The following TOP6BL variants were observed in gnomAD, a reference collection of about 807,000 sequenced individuals.
The protein encoded by TOP6BL is type 2 DNA topoisomerase 6 subunit B-like.
chr11:66,765,356 C>T, the TOP6BL span, among the ~76,000 whole-genome samples: 6 of 152,282 alleles, frequency 3.9e-5, no homozygotes, highest in Middle Eastern at 3.4e-3. Flanking sequence ...GCTAACTCTT[C>T]GTACAAAGAG....
chr11:66,762,604 G>T, the TOP6BL span, among the ~76,000 whole-genome samples: 2 of 152,114 alleles, frequency 1.3e-5, no homozygotes, highest in African/African-American at 4.8e-5. Flanking sequence ...CTGAGTAGCT[G>T]GTATTACAGG....
At chr11:66,748,266 A>G in the TOP6BL span, 1 of 824,824 alleles carries the variant, frequency 1.2e-6, no homozygotes, top group African/African-American at 1.7e-5. Flanking sequence ...TAGAAGCAAG[A>G]ATACAATTTT....
the TOP6BL span, among the ~76,000 whole-genome samples, chr11:66,789,992 G>T: frequency 6.6e-6 from 1 of 152,188 alleles, no homozygotes; most frequent in Non-Finnish European, 1.5e-5. Context: ...CTTGATCCTG[G>T]CTGGGCGCCG....
chr11:66,829,805 C>T, the TOP6BL span, among the ~76,000 whole-genome samples: 1 of 152,162 alleles, frequency 6.6e-6, no homozygotes, highest in Non-Finnish European at 1.5e-5. Flanking sequence ...GGAAGAACTG[C>T]ATGAGCCCAG....
chr11:66,761,182 T>G, the TOP6BL span, among the ~76,000 whole-genome samples: 1 of 151,932 alleles, frequency 6.6e-6, no homozygotes, highest in Non-Finnish European at 1.5e-5. Context: ...CCATCCTGGC[T>G]AACACGGTGA....
chr11:66,803,617 GT>G, the TOP6BL span, among the ~76,000 whole-genome samples: 9 of 152,090 alleles, frequency 5.9e-5, no homozygotes, highest in Non-Finnish European at 8.8e-5. Context: ...TAGAGATGGA[GT>G]TTCACCATGT....
chr11:66,805,417 CT>C, the TOP6BL span, among the ~76,000 whole-genome samples: 1 of 148,252 alleles, frequency 6.7e-6, no homozygotes, highest in African/African-American at 2.6e-5. Context: ...TATTCTATGT[CT>C]GTCTAGAATA....
At chr11:66,842,960 G>A in the TOP6BL span, 1 of 1,552,890 alleles carries the variant, frequency 6.4e-7, no homozygotes, top group Non-Finnish European at 8.7e-7. Flanking sequence ...GCCGCCCCGC[G>A]CCGCCCGGAA....
the TOP6BL span, among the ~76,000 whole-genome samples, chr11:66,827,805 A>C: frequency 1.3e-5 from 2 of 151,688 alleles, no homozygotes; most frequent in African/African-American, 4.8e-5. Flanking sequence ...TCTCTACGAA[A>C]AATACAAAAA....
At chr11:66,841,912 C>T in the TOP6BL span, among the ~76,000 whole-genome samples, 3 of 152,204 alleles carry the variant, frequency 2.0e-5, no homozygotes, top group Non-Finnish European at 2.9e-5. Context: ...CACTCTTCAT[C>T]CTTCAAAACC....
chr11:66,746,318 G>T, the TOP6BL span, among the ~76,000 whole-genome samples: 2 of 152,102 alleles, frequency 1.3e-5, no homozygotes, highest in Admixed American at 6.6e-5. Context: ...GCCGGGCGCG[G>T]TGGGTAGCCT....
the TOP6BL span, among the ~76,000 whole-genome samples, chr11:66,784,956 CTTTTT>C: frequency 2.1e-5 from 2 of 95,122 alleles, no homozygotes; most frequent in Non-Finnish European, 3.9e-5. Context: ...TCTAAGATTT[CTTTTT>C]TTTTTTTTTT....
the TOP6BL span, among the ~76,000 whole-genome samples, chr11:66,757,258 G>T: frequency 6.6e-6 from 1 of 152,086 alleles, no homozygotes; most frequent in Admixed American, 6.6e-5. Context: ...CAGGAGAATT[G>T]CATGAACCTG....
the TOP6BL span, among the ~76,000 whole-genome samples, chr11:66,745,893 C>G: frequency 6.6e-6 from 1 of 152,246 alleles, no homozygotes; most frequent in Non-Finnish European, 1.5e-5. Flanking sequence ...TCACCGCAGT[C>G]TCCGCCTCTC....
chr11:66,790,971 G>A, the TOP6BL span, among the ~76,000 whole-genome samples: 2 of 152,184 alleles, frequency 1.3e-5, no homozygotes, highest in East Asian at 3.8e-4. Flanking sequence ...AGCCTCAAGG[G>A]AACAAGGATT....
the TOP6BL span, among the ~76,000 whole-genome samples, chr11:66,745,546 A>G: frequency 1.3e-5 from 2 of 152,136 alleles, no homozygotes; most frequent in African/African-American, 2.4e-5. Context: ...ACCCACTTTC[A>G]CGGCCGGTGC....
At chr11:66,770,988 A>T in the TOP6BL span, among the ~76,000 whole-genome samples, 1 of 152,042 alleles carries the variant, frequency 6.6e-6, no homozygotes, top group African/African-American at 2.4e-5. Context: ...GGTACGCTAT[A>T]AATTTAAGGA....
chr11:66,788,355 C>A, the TOP6BL span: 1 of 1,029,974 alleles, frequency 9.7e-7, no homozygotes, highest in South Asian at 1.6e-5. Flanking sequence ...AAGCCTAGGT[C>A]CATCAAAGTT....
At chr11:66,761,568 G>T in the TOP6BL span, 4 of 1,116,100 alleles carry the variant, frequency 3.6e-6, no homozygotes, top group East Asian at 1.0e-4. Flanking sequence ...TTCAGTGTCT[G>T]TCTGCTCTAC....
Sources: gnomAD v4.1 joint callset for allele counts (sites outside exome capture counted in the v4.1 genomes callset) on GRCh38, gnomAD v4.1.1 for gene constraint, MANE v1.5 for transcripts, NCBI Gene and HGNC (gene_info 2026-07-23, HGNC 2026-07-21) for gene names.